ZNF600: variants seen among roughly 807,000 people sequenced by gnomAD.
ZNF600 encodes zinc finger protein 600.
A neutral mutation model predicts 7.3 loss-of-function variants in ZNF600; 4 were observed. That is an observed-to-expected ratio of 0.55 (90% CI 0.27 to 1.25). ZNF600 has a LOEUF of 1.25. ZNF600 is among the 50% of genes most tolerant of loss of function. The probability of loss-of-function intolerance (pLI) is 0.12; values close to 1 mark genes in which losing one functional copy is unlikely to be tolerated. For synonymous variants in ZNF600, 290 were observed against 308.9 expected, an observed-to-expected ratio of 0.94 and a Z score of 0.64; for missense variants, 911 against 922.1, an observed-to-expected ratio of 0.99 and a Z score of 0.16.
At chr19:52,824,060 C>T in the ZNF600 span, among the ~76,000 whole-genome samples, 36 of 151,188 alleles carry the variant, frequency 2.4e-4, no homozygotes, top group Middle Eastern at 3.4e-3. Flanking sequence ...AGTGAAACTC[C>T]GTCTCAAAAA....
chr19:52,775,581 T>C (rs1178523871), intron 2 of ZNF600, among the ~76,000 whole-genome samples: 1 of 150,900 alleles, frequency 6.6e-6, no homozygotes, highest in Non-Finnish European at 1.5e-5. Flanking sequence ...AAACACAGGG[T>C]TTTTTCTACA....
At chr19:52,793,854 G>T in the ZNF600 span, among the ~76,000 whole-genome samples, 11 of 151,236 alleles carry the variant, frequency 7.3e-5, no homozygotes, top group Admixed American at 7.3e-4. Flanking sequence ...TCATGTATAC[G>T]TGTAACTTTC....
upstream of ZNF600, among the ~76,000 whole-genome samples, chr19:52,786,990 C>T (rs2062770123): frequency 6.6e-6 from 1 of 152,210 alleles, no homozygotes; most frequent in Non-Finnish European, 1.5e-5. Context: ...ATTCAAAAGC[C>T]CTGGAATTAT....
the ZNF600 span, among the ~76,000 whole-genome samples, chr19:52,813,255 A>G: frequency 6.9e-6 from 1 of 145,324 alleles, no homozygotes; most frequent in African/African-American, 2.5e-5. Flanking sequence ...TGGTGAAAAA[A>G]AAAAAAAAAA....
the ZNF600 span, among the ~76,000 whole-genome samples, chr19:52,829,838 T>A: frequency 4.6e-5 from 7 of 151,940 alleles, no homozygotes; most frequent in Admixed American, 2.0e-4. Flanking sequence ...GACAGGACAG[T>A]GAAATGACGG....
chr19:52,802,911 C>G, the ZNF600 span, among the ~76,000 whole-genome samples: 2 of 150,476 alleles, frequency 1.3e-5, no homozygotes, highest in African/African-American at 2.4e-5. Context: ...CAGGCACACA[C>G]CGCCATGTCC....
At chr19:52,827,244 A>T in the ZNF600 span, among the ~76,000 whole-genome samples, 39 of 86,366 alleles carry the variant, frequency 4.5e-4, no homozygotes, top group South Asian at 3.6e-3. Context: ...CCCTGTCTCT[A>T]AAAACAAAAA....
chr19:52,821,332 T>G, the ZNF600 span, among the ~76,000 whole-genome samples: 2 of 151,996 alleles, frequency 1.3e-5, no homozygotes, highest in African/African-American at 2.4e-5. Context: ...AAAAAAGGTT[T>G]TGAGCAGGAA....
chr19:52,824,858 TA>T, the ZNF600 span, among the ~76,000 whole-genome samples: 2 of 152,072 alleles, frequency 1.3e-5, no homozygotes, highest in Non-Finnish European at 2.9e-5. Flanking sequence ...CACAAATTTA[TA>T]AAACAGAGAC....
At chr19:52,793,660 G>A in the ZNF600 span, among the ~76,000 whole-genome samples, 3 of 151,402 alleles carry the variant, frequency 2.0e-5, no homozygotes, top group Non-Finnish European at 4.4e-5. Flanking sequence ...CCAGCTACTC[G>A]GGGGGCAGAG....
Position 52,782,647 on chromosome 19 carries a change from G to C in ZNF600, c.-19-3740C>G, listed in dbSNP as rs993836043. The stretch of plus-strand genomic sequence containing the variant: ...CCAACACTTCGGGAGGCCGAGGCGG[G>C]TGGATTACGAGGTCATGAATTCAAG... On this transcript the variant is annotated intron_variant, in intron 1 of 3. Coordinates refer to ENST00000648973, the Ensembl canonical transcript of ZNF600. Among the ~76,000 whole-genome samples, 3 of 152,200 alleles carry C rather than the reference G, an allele frequency of 2.0e-5. No homozygotes were observed. In the East Asian group the frequency reaches 5.8e-4, roughly 29 times the overall value.
the ZNF600 span, among the ~76,000 whole-genome samples, chr19:52,829,626 G>A: frequency 1.1e-3 from 170 of 152,004 alleles, no homozygotes; most frequent in Admixed American, 3.1e-3. Context: ...TGCCCGTCTC[G>A]GCCGCCCAAA....
At chr19:52,766,129 A>G in exon 4 of ZNF600, 1 of 1,613,042 alleles carries the variant, frequency 6.2e-7, no homozygotes, top group Non-Finnish European at 8.5e-7. Context: ...CTACGATGGC[A>G]ATGAAGGTAT....
At chr19:52,831,892 G>A in the ZNF600 span, among the ~76,000 whole-genome samples, 3 of 152,066 alleles carry the variant, frequency 2.0e-5, no homozygotes, top group South Asian at 6.2e-4. Context: ...GCCTCCCAAA[G>A]TGCTGGGATT....
At chr19:52,809,335 A>C in the ZNF600 span, among the ~76,000 whole-genome samples, 954 of 152,360 alleles carry the variant, frequency 6.3e-3, 11 homozygotes, top group African/African-American at 0.02. Flanking sequence ...TCATTCAGCC[A>C]ATTTCCAATG....
the ZNF600 span, chr19:52,805,668 A>AAATAAATAAATAAAT: frequency 6.6e-6 from 1 of 151,402 alleles, no homozygotes; most frequent in Admixed American, 6.6e-5. Flanking sequence ...ATAAATAAAT[A>AAATAAATAAATAAAT]AAGTTCTCCA....
chr19:52,815,303 G>A, the ZNF600 span, among the ~76,000 whole-genome samples: 76,036 of 141,950 alleles, frequency 0.54, 24,891 homozygotes, highest in Non-Finnish European at 0.68. Flanking sequence ...ATCACCTGAA[G>A]ACAGGAGTTC....
rs953511929 is a variant in ZNF600, at chr19:52,771,243, C to T, written c.190+3332G>A. On this transcript the variant is annotated intron_variant, in intron 3 of 3. Transcript: ENST00000648973. ...GCTGGGCTAAACCACGAAGAAGGCTCTCACCAGGAGCCAATCTAGCTGACA... is the reference window on the plus strand; with the variant it reads ...GCTGGGCTAAACCACGAAGAAGGCTTTCACCAGGAGCCAATCTAGCTGACA... 1.2e-4 allele frequency among the ~76,000 whole-genome samples: 19 copies of T among 152,248 alleles called. 1 individual carries two copies. Among genetic ancestry groups the T allele is most frequent in the South Asian group, 2.1e-4 (1 of 4,824 alleles).
chr19:52,799,059 T>C, the ZNF600 span: 3 of 495,490 alleles, frequency 6.1e-6, no homozygotes, highest in East Asian at 1.5e-4. Context: ...TCTTTCAAGC[T>C]GTGATTTGTG....
Sources: gnomAD v4.1 joint callset for allele counts (sites outside exome capture counted in the v4.1 genomes callset) on GRCh38, gnomAD v4.1.1 for gene constraint, MANE v1.5 for transcripts, NCBI Gene and HGNC (gene_info 2026-07-23, HGNC 2026-07-21) for gene names.